Variants in C8orf34 observed in about 807,000 individuals in gnomAD.
C8orf34 encodes the protein uncharacterized protein C8orf34.
C8orf34 carries 65 observed loss-of-function variants against 68.3 expected under a neutral mutation model. The ratio of observed to expected loss-of-function variants is 0.95; its 90% CI spans 0.78 to 1.17. C8orf34 has a LOEUF of 1.17. Among genes scored for constraint, C8orf34 ranks in the 50% most tolerant of loss-of-function variants. The pLI is 0.00. For missense variants in C8orf34, 664 were observed against 655.4 expected (o/e 1.01, Z -0.14); for synonymous variants, 244 against 241.2 (o/e 1.01, Z -0.11).
intron 5 of C8orf34, among the ~76,000 whole-genome samples, chr8:68,517,597 G>A (rs1460991170): frequency 6.6e-6 from 1 of 152,058 alleles, no homozygotes; most frequent in Non-Finnish European, 1.5e-5. Context: ...CTCTCTCTGT[G>A]CTCTACTTTT....
At chr8:68,355,169 C>T (rs1245343164) in intron 1 of C8orf34, among the ~76,000 whole-genome samples, 3 of 152,052 alleles carry the variant, frequency 2.0e-5, no homozygotes, top group African/African-American at 4.8e-5. Context: ...TATTTGCTTT[C>T]AAGAGAGGGG....
At chr8:68,361,534 A>T (rs1806998929) in intron 1 of C8orf34, among the ~76,000 whole-genome samples, 1 of 152,218 alleles carries the variant, frequency 6.6e-6, no homozygotes, top group Non-Finnish European at 1.5e-5. Flanking sequence ...ACTATCGCTC[A>T]TTAGGGGAAA....
At chr8:68,514,853 A>G (rs188351701) in intron 5 of C8orf34, among the ~76,000 whole-genome samples, 168 of 152,258 alleles carry the variant, frequency 1.1e-3, no homozygotes, top group African/African-American at 3.9e-3. Context: ...TCAGGCAGAA[A>G]CACAATAAGA....
intron 7 of C8orf34, among the ~76,000 whole-genome samples, chr8:68,601,255 G>A (rs1045798553): frequency 1.3e-5 from 2 of 151,844 alleles, no homozygotes; most frequent in African/African-American, 4.8e-5. Flanking sequence ...CACTATTTGG[G>A]ATTGCTCATA....
chr8:68,572,798 A>T (rs1198001641), intron 7 of C8orf34, among the ~76,000 whole-genome samples: 1 of 152,070 alleles, frequency 6.6e-6, no homozygotes, highest in East Asian at 1.9e-4. Context: ...TTGGAGTGTG[A>T]TGGTCATTGC....
chr8:68,345,405 A>G (rs1806238403), intron 1 of C8orf34, among the ~76,000 whole-genome samples: 1 of 152,002 alleles, frequency 6.6e-6, no homozygotes, highest in Non-Finnish European at 1.5e-5. Context: ...AAGCTTTGAA[A>G]TATGTATAGA....
intron 9 of C8orf34, among the ~76,000 whole-genome samples, chr8:68,718,809 A>C: frequency 6.6e-6 from 1 of 152,168 alleles, no homozygotes; most frequent in East Asian, 1.9e-4. Context: ...CCAATCAACC[A>C]CACAGGCTGA....
At chr8:68,567,575 A>ATTTT (rs1563534685) in intron 7 of C8orf34, among the ~76,000 whole-genome samples, 1 of 33,058 alleles carries the variant, frequency 3.0e-5, no homozygotes, top group Admixed American at 3.2e-4. Context: ...TGTTTCATTT[A>ATTTT]TCTTTTTTTT....
intron 10 of C8orf34, among the ~76,000 whole-genome samples, chr8:68,767,302 C>T (rs1823208970): frequency 6.6e-6 from 1 of 152,190 alleles, no homozygotes; most frequent in Non-Finnish European, 1.5e-5. Context: ...TATTCTTTTA[C>T]AGAAATAAAC....
chr8:68,530,515 G>A (rs1315657249), intron 6 of C8orf34: 1 of 496,744 alleles, frequency 2.0e-6, no homozygotes, highest in Non-Finnish European at 3.1e-6. Flanking sequence ...TTAAAATTTT[G>A]TTTTGATTGG....
chr8:68,815,476 G>T (rs1329550661), intron 12 of C8orf34, among the ~76,000 whole-genome samples: 1 of 152,102 alleles, frequency 6.6e-6, no homozygotes, highest in African/African-American at 2.4e-5. Context: ...TAAGTAGCGT[G>T]TACCTGTCTG....
chr8:68,564,381 C>T (rs965510793), intron 7 of C8orf34, among the ~76,000 whole-genome samples: 1 of 152,120 alleles, frequency 6.6e-6, no homozygotes, highest in Non-Finnish European at 1.5e-5. Flanking sequence ...CTAGTCAGGC[C>T]AACTTGGATA....
intron 3 of C8orf34, among the ~76,000 whole-genome samples, chr8:68,460,972 C>G (rs753921495): frequency 4.6e-5 from 7 of 152,220 alleles, no homozygotes; most frequent in Non-Finnish European, 1.0e-4. Flanking sequence ...GAGAAGAAGG[C>G]TTCAGATGAT....
At chr8:68,735,354 T>G (rs1340931753) in intron 10 of C8orf34, among the ~76,000 whole-genome samples, 1 of 152,210 alleles carries the variant, frequency 6.6e-6, no homozygotes, top group Non-Finnish European at 1.5e-5. Context: ...GTTCTGAAAT[T>G]TCAATGTTTA....
chr8:68,638,971 G>A (rs543407062), intron 7 of C8orf34, among the ~76,000 whole-genome samples: 1 of 152,208 alleles, frequency 6.6e-6, no homozygotes, highest in African/African-American at 2.4e-5. Context: ...TCTTCTGGTA[G>A]GGGCAGGAGA....
intron 1 of C8orf34, among the ~76,000 whole-genome samples, chr8:68,394,503 G>A (rs1036950662): frequency 8.6e-5 from 13 of 151,604 alleles, no homozygotes; most frequent in Non-Finnish European, 1.3e-4. Context: ...GGACATTTGG[G>A]TTGGTTCCAA....
At chr8:68,384,635 T>C (rs1233912830) in intron 1 of C8orf34, among the ~76,000 whole-genome samples, 1 of 152,252 alleles carries the variant, frequency 6.6e-6, no homozygotes, top group Admixed American at 6.5e-5. Context: ...CCCTCTGCTG[T>C]TGCTGATTGC....
At chr8:68,612,848 T>C (rs1319848589) in intron 7 of C8orf34, among the ~76,000 whole-genome samples, 2 of 152,166 alleles carry the variant, frequency 1.3e-5, no homozygotes, top group African/African-American at 4.8e-5. Context: ...ATCTTATAGA[T>C]CTGTTTGAAT....
intron 12 of C8orf34, among the ~76,000 whole-genome samples, chr8:68,795,651 T>G (rs1824158161): frequency 6.6e-6 from 1 of 152,164 alleles, no homozygotes; most frequent in African/African-American, 2.4e-5. Context: ...TTATGAACAC[T>G]CAAGTAGTTT....
Sources: allele counts gnomAD v4.1 joint callset (sites outside exome capture counted in the v4.1 genomes callset), GRCh38; gene constraint gnomAD v4.1.1; transcripts MANE v1.5; gene names NCBI Gene and HGNC (gene_info 2026-07-23, HGNC 2026-07-21).